EEFSEC: variants seen among roughly 807,000 people sequenced by gnomAD.
The protein encoded by EEFSEC is eukaryotic elongation factor, selenocysteine-tRNA specific, also known as selenocysteine-specific elongation factor.
EEFSEC carries 43 observed loss-of-function variants against 42.1 expected under a neutral mutation model. The observed-to-expected ratio is 1.02, with a 90% CI of 0.80 to 1.32. The LOEUF (loss-of-function observed/expected upper bound fraction) is 1.32. Among genes scored for constraint, EEFSEC ranks in the 40% most tolerant of loss-of-function variants. The probability of loss-of-function intolerance (pLI) is 0.00; values close to 1 mark genes in which losing one functional copy is unlikely to be tolerated. For missense variants in EEFSEC, 745 were observed against 803.6 expected (o/e 0.93, Z 0.88); for synonymous variants, 354 against 339.1 (o/e 1.04, Z -0.48).
chr3:128,189,558 C>CTTT (rs3037702), intron 1 of EEFSEC, among the ~76,000 whole-genome samples: 2 of 137,150 alleles, frequency 1.5e-5, no homozygotes, highest in Non-Finnish European at 3.1e-5. Context: ...GACTTCTTTT[C>CTTT]TTTTTTTTTT....
chr3:128,184,453 C>T (rs541133681), intron 1 of EEFSEC, among the ~76,000 whole-genome samples: 10 of 152,268 alleles, frequency 6.6e-5, no homozygotes, highest in South Asian at 2.1e-4. Context: ...TTATTTCACT[C>T]GGCATAATGT....
chr3:128,328,194 T>C (rs1343601693), intron 4 of EEFSEC, among the ~76,000 whole-genome samples: 2 of 152,156 alleles, frequency 1.3e-5, no homozygotes, highest in Non-Finnish European at 2.9e-5. Context: ...AGCTCCAACC[T>C]CAGTGAATCT....
intron 1 of EEFSEC, among the ~76,000 whole-genome samples, chr3:128,182,887 G>C (rs1373090156): frequency 1.3e-5 from 2 of 150,302 alleles, no homozygotes; most frequent in South Asian, 2.1e-4. Flanking sequence ...TCGGGGCGGG[G>C]GGGTGGGGTG....
In EEFSEC at chr3:128,407,468, G is replaced by A. The variant is rs3021449; in HGVS notation, c.1601-601G>A. On this transcript the variant is annotated intron_variant, in intron 6 of 6. Coordinates refer to ENST00000254730, the MANE Select transcript of EEFSEC (RefSeq NM_021937.5). ...ATGGCGTGGGGCAGGGAGCCCCAGCGGGTGGTGGTTCCTGGGACTGCTACT... is the reference window on the plus strand; with the variant it reads ...ATGGCGTGGGGCAGGGAGCCCCAGCAGGTGGTGGTTCCTGGGACTGCTACT... Among the ~76,000 whole-genome samples, 3 of 152,180 alleles carry A rather than the reference G, an allele frequency of 2.0e-5. No homozygotes were observed. The East Asian group carries it at 5.8e-4, about 29-fold the overall frequency.
intron 1 of EEFSEC, among the ~76,000 whole-genome samples, chr3:128,156,433 T>C (rs1480395599): frequency 6.6e-6 from 1 of 152,194 alleles, no homozygotes. Context: ...AGTTCCCTCA[T>C]CCGCTTCCAA....
intron 6 of EEFSEC, among the ~76,000 whole-genome samples, chr3:128,391,659 G>A (rs140560651): frequency 1.3e-5 from 2 of 152,304 alleles, no homozygotes; most frequent in East Asian, 3.9e-4. Context: ...TTGGTTCCTG[G>A]CACCCGTTCC....
intron 1 of EEFSEC, among the ~76,000 whole-genome samples, chr3:128,246,374 C>T (rs1365130667): frequency 6.6e-6 from 1 of 152,240 alleles, no homozygotes; most frequent in Non-Finnish European, 1.5e-5. Context: ...CCCTAATCCT[C>T]CCCCTTCTGC....
At chr3:128,325,713 A>G (rs1308825590) in intron 4 of EEFSEC, among the ~76,000 whole-genome samples, 1 of 151,710 alleles carries the variant, frequency 6.6e-6, no homozygotes, top group Non-Finnish European at 1.5e-5. Flanking sequence ...GGGAAAAAAA[A>G]CCTCCCCCTT....
chr3:128,183,496 T>C (rs1576525695), intron 1 of EEFSEC, among the ~76,000 whole-genome samples: 2 of 152,352 alleles, frequency 1.3e-5, no homozygotes, highest in East Asian at 3.9e-4. Context: ...TCCTGCACTT[T>C]AATGTTAGAG....
chr3:128,258,278 G>A (rs2066262947), intron 2 of EEFSEC, among the ~76,000 whole-genome samples: 1 of 152,158 alleles, frequency 6.6e-6, no homozygotes, highest in Non-Finnish European at 1.5e-5. Flanking sequence ...CATCTTCCAG[G>A]TCAGTGTCCC....
At chr3:128,415,140 C>A in the EEFSEC span, among the ~76,000 whole-genome samples, 1 of 151,726 alleles carries the variant, frequency 6.6e-6, no homozygotes, top group Non-Finnish European at 1.5e-5. Context: ...AAGCCTCTCC[C>A]TGGACAGCTG....
At chr3:128,171,905 A>G (rs566619788) in intron 1 of EEFSEC, among the ~76,000 whole-genome samples, 18 of 152,320 alleles carry the variant, frequency 1.2e-4, no homozygotes, top group African/African-American at 4.3e-4. Flanking sequence ...AAAACACAAT[A>G]AAGTATAGCA....
intron 1 of EEFSEC, among the ~76,000 whole-genome samples, chr3:128,187,271 C>G (rs1188466878): frequency 6.6e-6 from 1 of 152,168 alleles, no homozygotes; most frequent in Admixed American, 6.5e-5. Flanking sequence ...ATGTACTAAA[C>G]AAGTTCTTCT....
intron 1 of EEFSEC, among the ~76,000 whole-genome samples, chr3:128,168,640 G>A (rs2065265041): frequency 6.6e-6 from 1 of 152,198 alleles, no homozygotes; most frequent in Non-Finnish European, 1.5e-5. Flanking sequence ...TTCACAGGAA[G>A]CCCAAGACAC....
At position 128,366,403 on chromosome 3, in the gene EEFSEC, C is replaced by T. The variant is rs566758453; in HGVS notation, c.1600+8030C>T. Among the ~76,000 whole-genome samples, 136 of 152,338 alleles carry T rather than the reference C, an allele frequency of 8.9e-4. 1 individual carries two copies. Among genetic ancestry groups the T allele is most frequent in the Non-Finnish European group, 1.6e-3 (109 of 68,034 alleles). ...TGCCCATGCCCTGTGCCAGGCAGCACGCCCTTGTGTAGTCTGACCACTCAA... is the reference window on the plus strand; with the variant it reads ...TGCCCATGCCCTGTGCCAGGCAGCATGCCCTTGTGTAGTCTGACCACTCAA... On this transcript the variant is annotated intron_variant, in intron 6 of 6. Coordinates refer to ENST00000254730, the MANE Select transcript of EEFSEC (RefSeq NM_021937.5).
chr3:128,253,321 C>T (rs1020829650), intron 2 of EEFSEC, among the ~76,000 whole-genome samples: 3 of 152,172 alleles, frequency 2.0e-5, no homozygotes, highest in Non-Finnish European at 4.4e-5. Context: ...GTCAGCTCTG[C>T]GGATGGAGCC....
intron 1 of EEFSEC, among the ~76,000 whole-genome samples, chr3:128,201,687 CT>C (rs2065645559): frequency 6.6e-6 from 1 of 152,078 alleles, no homozygotes. Flanking sequence ...TTAATGGTGT[CT>C]TTTGATAACC....
the EEFSEC span, among the ~76,000 whole-genome samples, chr3:128,420,759 C>T: frequency 1.3e-5 from 2 of 152,170 alleles, no homozygotes; most frequent in Non-Finnish European, 2.9e-5. Context: ...CCCTCCAGGG[C>T]CCCCTGCTCC....
intron 5 of EEFSEC, among the ~76,000 whole-genome samples, chr3:128,347,155 A>G (rs2067321702): frequency 6.6e-6 from 1 of 152,170 alleles, no homozygotes; most frequent in Non-Finnish European, 1.5e-5. Flanking sequence ...TGGGATGCAT[A>G]TACTACTTTA....
Sources: allele counts gnomAD v4.1 joint callset (sites outside exome capture counted in the v4.1 genomes callset), GRCh38; gene constraint gnomAD v4.1.1; transcripts MANE v1.5; gene names NCBI Gene and HGNC (gene_info 2026-07-23, HGNC 2026-07-21).